Variants in NUP98 observed in about 807,000 individuals in gnomAD.
The protein encoded by NUP98 is nucleoporin 98 and 96 precursor, also known as nuclear pore complex protein Nup98-Nup96.
In NUP98, 26 loss-of-function variants were observed where a neutral mutation model predicts 191.9. The ratio of observed to expected loss-of-function variants is 0.14; its 90% CI spans 0.10 to 0.19. The LOEUF is 0.19. NUP98 is among the 10% of genes least tolerant of loss of function. The pLI, the probability that NUP98 is intolerant of heterozygous loss-of-function variation, is 1.00. For missense variants in NUP98, 1,941 were observed against 2,178.8 expected (o/e 0.89, Z 2.17); for synonymous variants, 808 against 778.4 (o/e 1.04, Z -0.63).
intron 10 of NUP98, among the ~76,000 whole-genome samples, chr11:3,759,287 G>A (rs2081083351): frequency 6.6e-6 from 1 of 152,146 alleles, no homozygotes; most frequent in African/African-American, 2.4e-5. Context: ...AACATAATTA[G>A]GTAGTTATAA....
At chr11:3,717,317 A>G (rs1479522007) in intron 18 of NUP98, among the ~76,000 whole-genome samples, 1 of 152,098 alleles carries the variant, frequency 6.6e-6, no homozygotes, top group Non-Finnish European at 1.5e-5. Flanking sequence ...GAAGTTTTCT[A>G]ACTCATGAGT....
At chr11:3,682,432 CA>C (rs1185021493) in intron 30 of NUP98, among the ~76,000 whole-genome samples, 2 of 152,284 alleles carry the variant, frequency 1.3e-5, no homozygotes, top group East Asian at 1.9e-4. Flanking sequence ...CCCTTCCTTT[CA>C]CTTGAACATA....
At chr11:3,771,636 A>G in intron 7 of NUP98, 112 bp downstream of exon 7, 2 of 857,346 alleles carry the variant, frequency 2.3e-6, no homozygotes, top group Non-Finnish European at 3.7e-6. Flanking sequence ...TTCCTATGGT[A>G]TCCCTGAATT....
rs941919341 is a variant in NUP98 at position 3,723,162 on chromosome 11, G to C, written c.2141C>G (p.Pro714Arg). The C allele has an allele frequency of 3.2e-5, 52 of 1,613,546 alleles. No individual in the cohort carries two copies. The highest frequency in any genetic ancestry group is 4.3e-5 in the Non-Finnish European group (51 of 1,179,704). ...EIENNSYHMH[P>R]AGIILTKVGY... Reference sequence around the variant, plus strand: ...TGCACCAATCTGAACCTGACCTGCTGGGTGCATATGGTAAGAATTATTTTC... The same window carrying C: ...TGCACCAATCTGAACCTGACCTGCTCGGTGCATATGGTAAGAATTATTTTC... The change falls in exon 16 of 33, where the codon CCA becomes CGA. Residue 714 changes from proline to arginine, a missense_variant. Pro to Arg is a moderately radical substitution (Grantham distance 103, BLOSUM62 -2). Transcript: ENST00000324932.
At chr11:3,779,300 A>T in intron 2 of NUP98, 43 bp from the exon 3 acceptor site, 1 of 1,427,746 alleles carries the variant, frequency 7.0e-7, no homozygotes, top group Non-Finnish European at 9.9e-7. Context: ...TTAGAATAAA[A>T]TCTACGTAAG....
chr11:3,684,536 C>T (rs1374053768), intron 29 of NUP98, among the ~76,000 whole-genome samples: 2 of 152,074 alleles, frequency 1.3e-5, no homozygotes, highest in Non-Finnish European at 2.9e-5. Flanking sequence ...GCCATCCTAT[C>T]AAGCCAGTCT....
In NUP98 at chr11:3,699,309, G is replaced by T; in HGVS notation, c.3782C>A (p.Ala1261Asp). The change falls in exon 25 of 33, where the codon GCC (alanine) becomes GAC (aspartate). Residue 1261 changes from alanine to aspartate, a missense_variant. Transcript: ENST00000324932. The stretch of plus-strand genomic sequence containing the variant: ...AAGCTCCTTCAGGTGGCCCCATAGG[G>T]CTTCACATAGTGTCCATGTCAGGCT... Reference protein sequence around the residue: ...HWSLTWTLCEALWGHLKELDS... With the variant: ...HWSLTWTLCEDLWGHLKELDS... 6.2e-7 allele frequency: 1 copy of T among 1,614,164 alleles called. No individual in the cohort carries two copies. The highest frequency in any genetic ancestry group is 8.5e-7 in the Non-Finnish European group (1 of 1,180,016).
intron 14 of NUP98, among the ~76,000 whole-genome samples, chr11:3,726,023 G>T (rs1193615615): frequency 2.6e-5 from 4 of 152,244 alleles, no homozygotes; most frequent in East Asian, 3.9e-4. Context: ...AGGTTGCCCA[G>T]GCTGGTCTAA....
intron 10 of NUP98, among the ~76,000 whole-genome samples, chr11:3,754,443 T>A (rs1048956453): frequency 6.6e-6 from 1 of 151,858 alleles, no homozygotes; most frequent in African/African-American, 2.4e-5. Flanking sequence ...CAAAATAAAA[T>A]AAAAATAAAA....
intron 13 of NUP98, 45 bp downstream of exon 13, chr11:3,735,144 TTC>T: frequency 6.7e-7 from 1 of 1,496,848 alleles, no homozygotes; most frequent in African/African-American, 1.4e-5. Flanking sequence ...CACATTCAGT[TTC>T]TCTTTCTTTG....
rs747069339 is a variant in NUP98 at position 3,713,897 on chromosome 11, C to T, written c.2498G>A (p.Gly833Glu). 3.7e-6 allele frequency: 6 copies of T among 1,614,092 alleles called. No homozygotes were observed. The Admixed American group carries it at 5.0e-5, about 13-fold the overall frequency. ...TTTCCTTGAAACTGCTTCCAATCTTCCTTCATAGTTGATATCAGCAAGGCG... is the reference window on the plus strand; with the variant it reads ...TTTCCTTGAAACTGCTTCCAATCTTTCTTCATAGTTGATATCAGCAAGGCG... ...PDRLADINYE[G>E]RLEAVSRKQG... The change falls in exon 19 of 33, where the codon GGA (glycine) becomes GAA (glutamate). Residue 833 changes from glycine (G) to glutamate (E), a missense_variant. Coordinates refer to ENST00000324932, the MANE Select transcript of NUP98 (RefSeq NM_016320.5).
At chr11:3,750,223 G>C (rs897163494) in intron 11 of NUP98, among the ~76,000 whole-genome samples, 4 of 152,126 alleles carry the variant, frequency 2.6e-5, no homozygotes, top group Admixed American at 2.0e-4. Context: ...AAGCTCAGGT[G>C]ATTCTCCCAC....
chr11:3,709,184 AAC>A (rs1564828760), intron 20 of NUP98, among the ~76,000 whole-genome samples: 1 of 152,180 alleles, frequency 6.6e-6, no homozygotes, highest in Non-Finnish European at 1.5e-5. Context: ...CTCTCAGGCA[AAC>A]AGTTTGATCC....
At chr11:3,741,782 G>C (rs2080294643) in intron 12 of NUP98, among the ~76,000 whole-genome samples, 1 of 152,140 alleles carries the variant, frequency 6.6e-6, no homozygotes, top group South Asian at 2.1e-4. Flanking sequence ...TGAGGATAGA[G>C]GGCACAGGTC....
rs942654636 is a variant in NUP98, at chr11:3,750,243, C to T, written c.1267+3073G>A. The stretch of plus-strand genomic sequence containing the variant: ...CAGGTGATTCTCCCACCTCAGCCTC[C>T]CGAGTAGCTTGGACTACAGGCACAT... On this transcript the variant is annotated intron_variant, in intron 11 of 32. Transcript: ENST00000324932. 7.2e-5 allele frequency among the ~76,000 whole-genome samples: 11 copies of T among 152,250 alleles called. No individual in the cohort carries two copies. The South Asian group carries it at 2.3e-3, about 32-fold the overall frequency.
intron 1 of NUP98, among the ~76,000 whole-genome samples, chr11:3,790,984 C>T (rs2082316969): frequency 6.6e-6 from 1 of 151,600 alleles, no homozygotes; most frequent in African/African-American, 2.4e-5. Flanking sequence ...CAAGCTCTGC[C>T]TCCCAGGTTC....
Position 3,727,977 on chromosome 11 carries a change from C to T in NUP98, c.1731-2758G>A, listed in dbSNP as rs529885782. Among the ~76,000 whole-genome samples the T allele has an allele frequency of 5.9e-5, 9 of 152,184 alleles. No individual in the cohort carries two copies. The East Asian group carries it at 9.6e-4, about 16-fold the overall frequency. ...TCAAGGGTGCAGTGAGCTATGACAG[C>T]GCCACCGCACTCCAGCCTGGGTGAC... is the stretch of plus-strand genomic sequence containing the variant. On this transcript the variant is annotated intron_variant, in intron 14 of 32. Transcript: ENST00000324932.
intron 12 of NUP98, among the ~76,000 whole-genome samples, chr11:3,737,999 T>C (rs750298354): frequency 4.7e-5 from 7 of 149,804 alleles, no homozygotes; most frequent in Non-Finnish European, 1.0e-4. Flanking sequence ...ATTTTGTTAC[T>C]GGACAGGCAA....
In NUP98 at chr11:3,734,082, C is replaced by A. The variant is rs543428801; in HGVS notation, c.1542+1109G>T. Among the ~76,000 whole-genome samples the A allele has an allele frequency of 4.6e-5, 7 of 151,608 alleles. No individual in the cohort carries two copies. The South Asian group carries it at 1.3e-3, about 27-fold the overall frequency. The stretch of plus-strand genomic sequence containing the variant: ...CGAAGTTTCGCTCTTGTTGCCCAGG[C>A]TGGAGTGCAATGGCGCAATCTCGGC... On this transcript the variant is annotated intron_variant, in intron 13 of 32. Coordinates refer to ENST00000324932, the MANE Select transcript of NUP98 (RefSeq NM_016320.5).
Sources: gnomAD v4.1 joint callset for allele counts (sites outside exome capture counted in the v4.1 genomes callset) on GRCh38, gnomAD v4.1.1 for gene constraint, MANE v1.5 for transcripts, NCBI Gene and HGNC (gene_info 2026-07-23, HGNC 2026-07-21) for gene names.